TIGAR: variants seen among roughly 807,000 people sequenced by gnomAD.
The protein encoded by TIGAR is fructose-2,6-bisphosphatase TIGAR.
In TIGAR, 7 loss-of-function variants were observed where a neutral mutation model predicts 17.9. The observed-to-expected ratio is 0.39, with a 90% CI of 0.22 to 0.73. The LOEUF is 0.73. Among genes scored for constraint, TIGAR ranks in the 30% least tolerant of loss-of-function variants. The pLI, the probability that TIGAR is intolerant of heterozygous loss-of-function variation, is 0.42. For synonymous variants in TIGAR, 94 were observed against 108.6 expected, an observed-to-expected ratio of 0.87 and a Z score of 0.84; for missense variants, 258 against 327.4, an observed-to-expected ratio of 0.79 and a Z score of 1.64.
Position 4,353,360 on chromosome 12 carries a change from A to G in TIGAR, c.*669A>G, listed in dbSNP as rs1183982978. 1 of 152,228 alleles carries G rather than the reference A, an allele frequency of 6.6e-6. No individual in the cohort carries two copies. Among genetic ancestry groups the G allele is most frequent in the Non-Finnish European group, 1.5e-5 (1 of 68,044 alleles). The allele number at this position is 152,228 out of a possible 1,614,324, so 9.4% of individuals were successfully genotyped here. A position where few individuals can be genotyped will look rare whatever the true frequency, so the allele number is the denominator to read the frequency against. On this transcript the variant is annotated 3_prime_UTR_variant, in exon 6 of 6. Coordinates refer to ENST00000179259, the MANE Select transcript of TIGAR (RefSeq NM_020375.3). ...GATAGAAGAACAGCCTTTTCTAAAT[A>G]ATGCCTTGCCAAAGTCAAGTCAATG...
chr12:4,341,338 C>G (rs575447697), intron 3 of TIGAR, among the ~76,000 whole-genome samples: 1 of 152,166 alleles, frequency 6.6e-6, no homozygotes, highest in African/African-American at 2.4e-5. Flanking sequence ...CCAGCGTGAG[C>G]GACGCAGAAG....
rs1864937616 is a variant in TIGAR, at chr12:4,358,512, C to T, written c.*5821C>T. On this transcript the variant is annotated 3_prime_UTR_variant, in exon 6 of 6. Transcript: ENST00000179259. ...CTTGCTTTGCCATTTTTTCTCTCTC[C>T]CTCTGTTTTCCCCTGAAACATTGGA... Among the ~76,000 whole-genome samples the T allele has an allele frequency of 6.6e-6, 1 of 152,034 alleles. No homozygotes were observed. The highest frequency in any genetic ancestry group is 2.4e-5 in the African/African-American group (1 of 41,402).
intron 1 of TIGAR, chr12:4,324,422 G>A (rs1864514895): frequency 2.1e-6 from 3 of 1,460,044 alleles, no homozygotes; most frequent in South Asian, 2.3e-5. Flanking sequence ...ATGCCGGGCC[G>A]GCAGTGCTTC....
intron 3 of TIGAR, among the ~76,000 whole-genome samples, chr12:4,340,457 T>G (rs546714171): frequency 3.2e-4 from 49 of 152,342 alleles, no homozygotes; most frequent in African/African-American, 1.1e-3. Flanking sequence ...TCAATATTGT[T>G]AAAATGTTCA....
chr12:4,357,911 G>A lies in TIGAR; in HGVS notation c.*5220G>A, dbSNP rs1180715696. On this transcript the variant is annotated 3_prime_UTR_variant, in exon 6 of 6. Coordinates refer to ENST00000179259, the MANE Select transcript of TIGAR (RefSeq NM_020375.3). ...GAGGTCAGGAGATAGAGACCATCCTGGCTAACACAGTGAAACCTCGTCTCC... is the reference window on the plus strand; with the variant it reads ...GAGGTCAGGAGATAGAGACCATCCTAGCTAACACAGTGAAACCTCGTCTCC... 3.3e-5 allele frequency among the ~76,000 whole-genome samples: 5 copies of A among 151,258 alleles called. No homozygotes were observed. Among genetic ancestry groups the A allele is most frequent in the South Asian group, 2.1e-4 (1 of 4,772 alleles).
rs143113928 is a variant in TIGAR, at chr12:4,351,386, C to T, written c.381+9C>T. 484 of 1,608,438 alleles carry T rather than the reference C, an allele frequency of 3.0e-4. 3 individuals carry two copies. The African/African-American group carries it at 5.1e-3, about 17-fold the overall frequency. On this transcript the variant is annotated intron_variant, in intron 5 of 5. Transcript: ENST00000179259. ...GAGAGACGCTGGACCAGGTATGTGG[C>T]GCTGCCGATGTCAGAATGGTTGAAT...
In TIGAR at chr12:4,321,404, C is replaced by T; in HGVS notation, c.32+101C>T. 9 of 1,527,628 alleles carry T rather than the reference C, an allele frequency of 5.9e-6. No individual in the cohort carries two copies. Among genetic ancestry groups the T allele is most frequent in the Non-Finnish European group, 7.1e-6 (8 of 1,124,230 alleles). 94.6% of individuals were successfully genotyped at this position (1,527,628 alleles called of 1,614,324 possible). A position where few individuals can be genotyped will look rare whatever the true frequency, so the allele number is the denominator to read the frequency against. Reference sequence around the variant, plus strand: ...TCCACCACCCTCTCCCCTCCCTGCTCGCTCCAGCCCGGGAGGGCTGGCTTG... The same window carrying T: ...TCCACCACCCTCTCCCCTCCCTGCTTGCTCCAGCCCGGGAGGGCTGGCTTG... On this transcript the variant is annotated intron_variant, in intron 1 of 5. Coordinates refer to ENST00000179259, the MANE Select transcript of TIGAR (RefSeq NM_020375.3). This position sits in a 1 kb window ranked among gnomAD's most constrained non-coding sequence, Gnocchi z 5.2.
Position 4,335,117 on chromosome 12 carries a change from A to C in TIGAR, c.71-1922A>C, listed in dbSNP as rs1249255742. On this transcript the variant is annotated intron_variant, in intron 2 of 5. Coordinates refer to ENST00000179259, the MANE Select transcript of TIGAR (RefSeq NM_020375.3). ...CAGTGGTGTGATCTTGACTCACTGC[A>C]ACCTCCGCCTCCTGGGCTCAAGTGA... Among the ~76,000 whole-genome samples the C allele has an allele frequency of 2.6e-5, 4 of 152,130 alleles. No individual in the cohort carries two copies. In the East Asian group the frequency reaches 7.7e-4, roughly 29 times the overall value.
chr12:4,331,183 T>A, intron 1 of TIGAR, 97 bp from the exon 2 acceptor site: 1 of 1,046,328 alleles, frequency 9.6e-7, no homozygotes, highest in Non-Finnish European at 1.5e-6. Flanking sequence ...TCACATGATA[T>A]TTTTAGAGTA....
chr12:4,341,639 G>A (rs1386477744), intron 3 of TIGAR, among the ~76,000 whole-genome samples: 1 of 152,204 alleles, frequency 6.6e-6, no homozygotes, highest in Non-Finnish European at 1.5e-5. Context: ...GGTCTGGAGT[G>A]GACCTCCAGC....
intron 3 of TIGAR, among the ~76,000 whole-genome samples, chr12:4,346,939 G>C (rs560102861): frequency 9.2e-5 from 14 of 152,236 alleles, no homozygotes; most frequent in African/African-American, 3.4e-4. Flanking sequence ...ACACTTGTAT[G>C]CTGTTGGTGG....
intron 3 of TIGAR, among the ~76,000 whole-genome samples, chr12:4,346,154 G>T (rs554324897): frequency 1.3e-5 from 2 of 152,322 alleles, no homozygotes; most frequent in African/African-American, 4.8e-5. Context: ...TTACACTGTT[G>T]GTGGGACTGT....
intron 3 of TIGAR, among the ~76,000 whole-genome samples, chr12:4,346,270 G>T (rs900555212): frequency 8.5e-5 from 13 of 152,138 alleles, no homozygotes; most frequent in African/African-American, 2.7e-4. Context: ...ATACCCAAAG[G>T]ATTATAAATC....
In TIGAR at chr12:4,345,422, T is replaced by C. The variant is rs950796228; in HGVS notation, c.193-4397T>C. On this transcript the variant is annotated intron_variant, in intron 3 of 5. Coordinates refer to ENST00000179259, the MANE Select transcript of TIGAR (RefSeq NM_020375.3). ...GTACCAAAACAGAGATATAGACCAA[T>C]GGAACAGAACAGAGCCCTCAGAAAT... 1.4e-3 allele frequency among the ~76,000 whole-genome samples: 212 copies of C among 152,150 alleles called. 1 individual carries two copies. The highest frequency in any genetic ancestry group is 4.5e-3 in the African/African-American group (187 of 41,512).
At position 4,341,848 on chromosome 12, in the gene TIGAR, C is replaced by T. The variant is rs533168120; in HGVS notation, c.192+4688C>T. ...TCAGAGCGCCTCTCCTCCAAAGGAA[C>T]GCAGCTCCTCACCAGCAACGGAACA... On this transcript the variant is annotated intron_variant, in intron 3 of 5. Coordinates refer to ENST00000179259, the MANE Select transcript of TIGAR (RefSeq NM_020375.3). Among the ~76,000 whole-genome samples, 12 of 152,344 alleles carry T rather than the reference C, an allele frequency of 7.9e-5. No homozygotes were observed. In the South Asian group the frequency reaches 2.3e-3, roughly 29 times the overall value.
chr12:4,345,837 A>G (rs1158760062), intron 3 of TIGAR, among the ~76,000 whole-genome samples: 2 of 152,232 alleles, frequency 1.3e-5, no homozygotes, highest in East Asian at 1.9e-4. Flanking sequence ...ACAGAATGGG[A>G]GAAAATTTTT....
At chr12:4,347,714 A>G (rs1591665176) in intron 3 of TIGAR, among the ~76,000 whole-genome samples, 3 of 152,294 alleles carry the variant, frequency 2.0e-5, no homozygotes, top group Admixed American at 1.3e-4. Context: ...TAAAATACAA[A>G]CAGAAAAAAG....
chr12:4,347,398 G>GAA (rs1864792463), intron 3 of TIGAR, among the ~76,000 whole-genome samples: 3 of 152,122 alleles, frequency 2.0e-5, no homozygotes, highest in Non-Finnish European at 4.4e-5. Context: ...ACCAGAGTCT[G>GAA]GGAAAGGTAG....
In TIGAR at chr12:4,358,565, C is replaced by G. The variant is rs1352909907; in HGVS notation, c.*5874C>G. Among the ~76,000 whole-genome samples, 1 of 152,052 alleles carries G rather than the reference C, an allele frequency of 6.6e-6. No individual in the cohort carries two copies. Among genetic ancestry groups the G allele is most frequent in the Non-Finnish European group, 1.5e-5 (1 of 68,014 alleles). ...GTAACTTTGAGTCCTCATACTCTTC[C>G]CCTATAAAATTTCAATGTGTGTTTC... On this transcript the variant is annotated 3_prime_UTR_variant, in exon 6 of 6. Coordinates refer to ENST00000179259, the MANE Select transcript of TIGAR (RefSeq NM_020375.3).
Sources: allele counts gnomAD v4.1 joint callset (sites outside exome capture counted in the v4.1 genomes callset), GRCh38; gene constraint gnomAD v4.1.1; non-coding constraint Gnocchi (gnomAD v3.1); transcripts MANE v1.5; gene names NCBI Gene and HGNC (gene_info 2026-07-23, HGNC 2026-07-21).